TOX: variants seen among roughly 807,000 people sequenced by gnomAD.
The protein encoded by TOX is thymocyte selection associated high mobility group box, also known as thymocyte selection-associated high mobility group box protein TOX.
A neutral mutation model predicts 53.7 loss-of-function variants in TOX; 11 were observed. The observed-to-expected ratio is 0.20, with a 90% CI of 0.13 to 0.34. TOX has a LOEUF of 0.34. Ranked by LOEUF, TOX falls within the 10% of genes least tolerant of loss-of-function variation. The probability of loss-of-function intolerance (pLI) is 1.00; values close to 1 mark genes in which losing one functional copy is unlikely to be tolerated. For synonymous variants in TOX, 225 were observed against 245.3 expected (o/e 0.92, Z 0.77); for missense variants, 570 against 664.6 (o/e 0.86, Z 1.56).
intron 1 of TOX, among the ~76,000 whole-genome samples, chr8:59,116,992 C>A (rs1172814705): frequency 1.3e-5 from 2 of 152,194 alleles, no homozygotes; most frequent in African/African-American, 4.8e-5. Flanking sequence ...AAGCATTTAA[C>A]TTTTAAATTA....
At chr8:58,848,016 G>GA (rs1282465347) in intron 4 of TOX, among the ~76,000 whole-genome samples, 2 of 151,886 alleles carry the variant, frequency 1.3e-5, no homozygotes, top group Non-Finnish European at 2.9e-5. Context: ...AAATCCAAAG[G>GA]AAAAATAACT....
intron 2 of TOX, among the ~76,000 whole-genome samples, chr8:58,954,578 T>A (rs1339673918): frequency 6.6e-6 from 1 of 152,040 alleles, no homozygotes; most frequent in Non-Finnish European, 1.5e-5. Flanking sequence ...CACACCATGA[T>A]AAAGCAGCCT....
At chr8:58,819,792 A>G (rs1810243036) in intron 6 of TOX, among the ~76,000 whole-genome samples, 1 of 152,254 alleles carries the variant, frequency 6.6e-6, no homozygotes, top group South Asian at 2.1e-4. Flanking sequence ...ATGCATAAAA[A>G]TCAGTGGAAG....
At chr8:59,102,782 G>T (rs1804828513) in intron 1 of TOX, among the ~76,000 whole-genome samples, 1 of 152,104 alleles carries the variant, frequency 6.6e-6, no homozygotes, top group Non-Finnish European at 1.5e-5. Context: ...TGCCTGTGGT[G>T]GAAGGAAGAG....
rs114730848 is a variant in TOX, at chr8:58,964,159, C to G, written c.103-4151G>C. Among the ~76,000 whole-genome samples the G allele has an allele frequency of 4.7e-3, 721 of 152,244 alleles. 3 individuals carry two copies. Among genetic ancestry groups the G allele is most frequent in the African/African-American group, 0.017 (695 of 41,552 alleles). ...GGCACCATTACTCAAATGTTAGATTCAGTTCTTCCTCAGGATTTTTATTTA... is the reference window on the plus strand; with the variant it reads ...GGCACCATTACTCAAATGTTAGATTGAGTTCTTCCTCAGGATTTTTATTTA... On this transcript the variant is annotated intron_variant, in intron 1 of 8. Coordinates refer to ENST00000361421, the MANE Select transcript of TOX (RefSeq NM_014729.3).
Position 58,873,958 on chromosome 8 carries a change from CTTTTTTTTTTTTTTT to C in TOX, c.412-22168_412-22154del, listed in dbSNP as rs1173710545. Among the ~76,000 whole-genome samples the C allele has an allele frequency of 1.5e-4, 6 of 40,136 alleles. 1 individual carries two copies. Among genetic ancestry groups the C allele is most frequent in the Non-Finnish European group, 1.9e-4 (5 of 25,926 alleles). The allele number at this position is 40,136 out of a possible 152,430, so 26.3% of individuals were successfully genotyped here. ...AATACACATCCTGAATGCCAGGAAG[CTTTTTTTTTTTTTTT>C]TTTTTTTTTTTTTGGGAAACCATGA... On this transcript the variant is annotated intron_variant, in intron 3 of 8. Transcript: ENST00000361421.
At chr8:58,908,265 G>A (rs538550632) in intron 3 of TOX, among the ~76,000 whole-genome samples, 12 of 152,118 alleles carry the variant, frequency 7.9e-5, no homozygotes, top group Non-Finnish European at 1.5e-4. Context: ...GAATCTGGAC[G>A]TCAGCATTTT....
intron 1 of TOX, among the ~76,000 whole-genome samples, chr8:59,075,564 T>C (rs1352348130): frequency 6.6e-6 from 1 of 152,198 alleles, no homozygotes; most frequent in Non-Finnish European, 1.5e-5. Context: ...CTTGAACATA[T>C]TTGTAAGCTT....
At chr8:58,855,001 C>A (rs1810890473) in intron 3 of TOX, among the ~76,000 whole-genome samples, 1 of 152,124 alleles carries the variant, frequency 6.6e-6, no homozygotes. Context: ...TTGACTACAG[C>A]TCTGTCATGT....
chr8:59,115,406 G>A (rs1034462237), intron 1 of TOX, among the ~76,000 whole-genome samples: 3 of 152,174 alleles, frequency 2.0e-5, no homozygotes, highest in African/African-American at 7.2e-5. Flanking sequence ...AAACTGAAAA[G>A]AACTGTTATT....
At chr8:58,880,135 A>G (rs1811358896) in intron 3 of TOX, among the ~76,000 whole-genome samples, 1 of 152,240 alleles carries the variant, frequency 6.6e-6, no homozygotes, top group Admixed American at 6.5e-5. Flanking sequence ...GACAAGGGAC[A>G]ACTGTAAGGG....
chr8:59,058,661 A>G (rs1316994721), intron 1 of TOX, among the ~76,000 whole-genome samples: 1 of 152,146 alleles, frequency 6.6e-6, no homozygotes, highest in Non-Finnish European at 1.5e-5. Flanking sequence ...GTTAGCAGCC[A>G]GCATGCTGAC....
At chr8:58,929,802 G>T (rs956982644) in intron 3 of TOX, among the ~76,000 whole-genome samples, 2 of 152,078 alleles carry the variant, frequency 1.3e-5, no homozygotes, top group African/African-American at 4.8e-5. Flanking sequence ...ATGTTTAATA[G>T]ACATCAATTT....
At chr8:59,029,196 G>A (rs1029334603) in intron 1 of TOX, among the ~76,000 whole-genome samples, 1 of 151,860 alleles carries the variant, frequency 6.6e-6, no homozygotes, top group Non-Finnish European at 1.5e-5. Flanking sequence ...TTCATTTTTA[G>A]TTAGATGGAA....
intron 1 of TOX, among the ~76,000 whole-genome samples, chr8:59,097,939 A>G (rs569475550): frequency 2.6e-5 from 4 of 152,288 alleles, no homozygotes; most frequent in East Asian, 1.9e-4. Flanking sequence ...TGATCAAAGC[A>G]TAACATTTAT....
At chr8:58,992,476 G>A (rs887110318) in intron 1 of TOX, among the ~76,000 whole-genome samples, 1 of 151,886 alleles carries the variant, frequency 6.6e-6, no homozygotes, top group African/African-American at 2.4e-5. Flanking sequence ...CGTTTTAGGT[G>A]CCCAACATTA....
At chr8:58,966,090 C>T (rs186484549) in intron 1 of TOX, among the ~76,000 whole-genome samples, 6 of 152,146 alleles carry the variant, frequency 3.9e-5, no homozygotes, top group African/African-American at 1.4e-4. Flanking sequence ...AGCTAACCCC[C>T]ACACTTACTG....
At chr8:58,939,910 A>T (rs1231928840) in intron 2 of TOX, among the ~76,000 whole-genome samples, 1 of 152,242 alleles carries the variant, frequency 6.6e-6, no homozygotes, top group East Asian at 1.9e-4. Context: ...TTGATCAAAC[A>T]TGTTTCACGG....
chr8:59,065,453 T>A (rs1804072721), intron 1 of TOX, among the ~76,000 whole-genome samples: 1 of 152,222 alleles, frequency 6.6e-6, no homozygotes, highest in Non-Finnish European at 1.5e-5. Flanking sequence ...TAATGTTTTT[T>A]AAGAGGAAGT....
Sources: allele counts gnomAD v4.1 joint callset (sites outside exome capture counted in the v4.1 genomes callset), GRCh38; gene constraint gnomAD v4.1.1; transcripts MANE v1.5; gene names NCBI Gene and HGNC (gene_info 2026-07-23, HGNC 2026-07-21).